Variants in RIMS1 observed in about 807,000 individuals in gnomAD.
RIMS1 encodes the protein regulating synaptic membrane exocytosis 1.
Under a neutral mutation model 214.1 loss-of-function variants are expected in RIMS1, and 83 were observed. The ratio of observed to expected loss-of-function variants is 0.39; its 90% CI spans 0.32 to 0.47. RIMS1 has a LOEUF of 0.47. Among genes scored for constraint, RIMS1 ranks in the 20% least tolerant of loss-of-function variants. The pLI is 0.99. For missense variants in RIMS1, 2,050 were observed against 2,161.8 expected, an observed-to-expected ratio of 0.95 and a Z score of 1.03; for synonymous variants, 793 against 786.8, an observed-to-expected ratio of 1.01 and a Z score of -0.13.
At chr6:72,257,374 T>A (rs2076325623) in intron 16 of RIMS1, among the ~76,000 whole-genome samples, 1 of 152,096 alleles carries the variant, frequency 6.6e-6, no homozygotes, top group Non-Finnish European at 1.5e-5. Context: ...AAAGTGACTG[T>A]TATAATTTAT....
intron 2 of RIMS1, among the ~76,000 whole-genome samples, chr6:71,969,270 A>T (rs1278857863): frequency 6.6e-6 from 1 of 152,230 alleles, no homozygotes; most frequent in Non-Finnish European, 1.5e-5. Flanking sequence ...TATTGAAAGG[A>T]TTAAACTAGT....
At chr6:72,320,564 G>A (rs1030315240) in intron 28 of RIMS1, among the ~76,000 whole-genome samples, 3 of 151,940 alleles carry the variant, frequency 2.0e-5, no homozygotes, top group African/African-American at 7.2e-5. Flanking sequence ...TTTGGCTGAA[G>A]GATTATGCAA....
At chr6:72,193,223 C>G (rs1404222639) in intron 6 of RIMS1, among the ~76,000 whole-genome samples, 6 of 152,148 alleles carry the variant, frequency 3.9e-5, no homozygotes, top group Non-Finnish European at 8.8e-5. Context: ...GCTGTTTCCC[C>G]TCCTTGGGAA....
chr6:71,958,267 C>T (rs78568995), intron 1 of RIMS1, among the ~76,000 whole-genome samples: 2 of 152,060 alleles, frequency 1.3e-5, no homozygotes, highest in Non-Finnish European at 2.9e-5. Context: ...TGTAAAGATT[C>T]GATGTCATAA....
chr6:72,392,137 G>A lies in RIMS1; in HGVS notation c.4506-561G>A, dbSNP rs73538253. Among the ~76,000 whole-genome samples, 1,050 of 152,298 alleles carry A rather than the reference G, an allele frequency of 6.9e-3. 7 individuals are homozygous for A. The highest frequency in any genetic ancestry group is 0.024 in the African/African-American group (992 of 41,564). On this transcript the variant is annotated intron_variant, in intron 30 of 33. Coordinates refer to ENST00000521978, the MANE Select transcript of RIMS1 (RefSeq NM_014989.7). ...AGAAGAGAACAGGCACTGCCCTTGT[G>A]CAGCTTACATCCTGGGGCTATCAGG...
chr6:72,038,126 T>A (rs1237915861), intron 2 of RIMS1, among the ~76,000 whole-genome samples: 68 of 83,000 alleles, frequency 8.2e-4, no homozygotes, highest in African/African-American at 1.8e-3. Context: ...AAAATATATA[T>A]ATATATATAT....
At chr6:72,293,977 G>T (rs1356737066) in intron 26 of RIMS1, among the ~76,000 whole-genome samples, 1 of 151,542 alleles carries the variant, frequency 6.6e-6, no homozygotes, top group East Asian at 1.9e-4. Context: ...ATGATCTTTA[G>T]AGTTATATAC....
chr6:72,079,570 GA>G (rs2153767147), intron 2 of RIMS1, among the ~76,000 whole-genome samples: 2 of 152,244 alleles, frequency 1.3e-5, no homozygotes, highest in East Asian at 3.9e-4. Context: ...TTGATGCTGA[GA>G]AAACATGCAC....
intron 8 of RIMS1, 52 bp downstream of exon 8, chr6:72,235,780 T>C: frequency 1.0e-6 from 1 of 977,014 alleles, no homozygotes; most frequent in Non-Finnish European, 1.4e-6. Context: ...CAGTATGGTC[T>C]GCATTCATCG....
Position 72,339,459 on chromosome 6 carries a change from G to T in RIMS1, c.4366+5624G>T, listed in dbSNP as rs189806005. Among the ~76,000 whole-genome samples the T allele has an allele frequency of 9.9e-3, 1,497 of 151,122 alleles. 20 individuals carry two copies. The highest frequency in any genetic ancestry group is 0.034 in the African/African-American group (1,414 of 41,088). ...TCCCCCCACCCCACAACAGTCCCCA[G>T]TGTGTGATGTTCCCCTTCCTTTGTC... On this transcript the variant is annotated intron_variant, in intron 29 of 33. Transcript: ENST00000521978.
At chr6:72,278,901 A>G (rs1277933888) in intron 23 of RIMS1, among the ~76,000 whole-genome samples, 9 of 152,074 alleles carry the variant, frequency 5.9e-5, no homozygotes, top group Non-Finnish European at 1.3e-4. Flanking sequence ...ACATTAAGAC[A>G]GTATAAGCCA....
chr6:72,324,310 A>G (rs750582452), intron 28 of RIMS1, among the ~76,000 whole-genome samples: 1 of 152,000 alleles, frequency 6.6e-6, no homozygotes, highest in Non-Finnish European at 1.5e-5. Flanking sequence ...AAATGGAAGT[A>G]AGTTATTGTA....
At chr6:72,158,712 A>G (rs1446536198) in intron 4 of RIMS1, among the ~76,000 whole-genome samples, 1 of 139,028 alleles carries the variant, frequency 7.2e-6, no homozygotes, top group African/African-American at 2.5e-5. Flanking sequence ...TTCCAGCTTC[A>G]TCCATGTCCC....
At chr6:72,129,419 C>A (rs1057213111) in intron 4 of RIMS1, among the ~76,000 whole-genome samples, 4 of 152,032 alleles carry the variant, frequency 2.6e-5, no homozygotes, top group African/African-American at 9.7e-5. Context: ...GAGTTGCAGT[C>A]CTGTCACCTG....
intron 2 of RIMS1, among the ~76,000 whole-genome samples, chr6:72,014,429 A>G (rs1184932770): frequency 6.6e-6 from 1 of 152,252 alleles, no homozygotes; most frequent in East Asian, 1.9e-4. Context: ...TGCATGGAGC[A>G]TATATAAATA....
intron 18 of RIMS1, among the ~76,000 whole-genome samples, chr6:72,260,226 A>T (rs573876945): frequency 2.6e-5 from 4 of 152,156 alleles, no homozygotes; most frequent in Non-Finnish European, 4.4e-5. Flanking sequence ...ATTCTAATCA[A>T]TTATATTGTT....
At chr6:72,217,944 G>A (rs532864946) in intron 6 of RIMS1, among the ~76,000 whole-genome samples, 1 of 152,016 alleles carries the variant, frequency 6.6e-6, no homozygotes, top group African/African-American at 2.4e-5. Context: ...CTGCCAGTTT[G>A]GAAAAAGACT....
chr6:72,010,038 T>C (rs1270909911), intron 2 of RIMS1, among the ~76,000 whole-genome samples: 7 of 152,112 alleles, frequency 4.6e-5, no homozygotes, highest in Non-Finnish European at 1.0e-4. Flanking sequence ...AAAAGAGAAT[T>C]TTAGACCAAT....
intron 5 of RIMS1, among the ~76,000 whole-genome samples, chr6:72,181,773 T>C (rs997745335): frequency 6.6e-6 from 1 of 152,182 alleles, no homozygotes; most frequent in Admixed American, 6.5e-5. Context: ...TACTGAAGAA[T>C]TCTTGACCGT....
Sources: gnomAD v4.1 joint callset for allele counts (sites outside exome capture counted in the v4.1 genomes callset) on GRCh38, gnomAD v4.1.1 for gene constraint, MANE v1.5 for transcripts, NCBI Gene and HGNC (gene_info 2026-07-23, HGNC 2026-07-21) for gene names.